The following HNRNPF variants were observed in gnomAD, a reference collection of about 807,000 sequenced individuals.
HNRNPF encodes the protein heterogeneous nuclear ribonucleoprotein F, also known as HnRNP F protein.
Under a neutral mutation model 26.0 loss-of-function variants are expected in HNRNPF, and 2 were observed. The ratio of observed to expected loss-of-function variants is 0.08; its 90% CI spans 0.03 to 0.24. The LOEUF (loss-of-function observed/expected upper bound fraction) is 0.24. HNRNPF is among the 10% of genes least tolerant of loss of function. The pLI, the probability that HNRNPF is intolerant of heterozygous loss-of-function variation, is 1.00. For synonymous variants in HNRNPF, 234 were observed against 211.5 expected (o/e 1.11, Z -0.92); for missense variants, 299 against 539.2 (o/e 0.55, Z 4.41).
chr10:43,402,977 C>A (rs1838799289), intron 1 of HNRNPF, among the ~76,000 whole-genome samples: 1 of 151,908 alleles, frequency 6.6e-6, no homozygotes, highest in Admixed American at 6.6e-5. Context: ...TCCTCTATGT[C>A]TTTACAAGTG....
At position 43,387,809 on chromosome 10, in the gene HNRNPF, C is replaced by T. The variant is rs775672912; in HGVS notation, c.76G>A (p.Asp26Asn). The T allele has an allele frequency of 2.9e-5, 47 of 1,614,012 alleles. No homozygotes were observed. The highest frequency in any genetic ancestry group is 3.8e-5 in the Non-Finnish European group (45 of 1,180,026). Reference sequence around the variant, plus strand: ...CAGTCAGAGAGGAAGTTCTGCACGTCCTCAACAGAGCAGGACCAGGGCAGG... The same window carrying T: ...CAGTCAGAGAGGAAGTTCTGCACGTTCTCAACAGAGCAGGACCAGGGCAGG... ...RGLPWSCSVEDVQNFLSDCTI... is the reference protein window; with the variant it reads ...RGLPWSCSVENVQNFLSDCTI... Residue 26 changes from aspartate to asparagine, a missense_variant, in exon 4 of 4, where the codon GAC becomes AAC. This residue lies in a region of HNRNPF where 104 missense variants were observed against 239.0 expected (regional missense o/e 0.44). Transcript: ENST00000682386. This position sits in a 1 kb window ranked among gnomAD's most constrained non-coding sequence, Gnocchi z 6.0.
chr10:43,403,426 T>C (rs1838814248), intron 1 of HNRNPF, among the ~76,000 whole-genome samples: 1 of 152,242 alleles, frequency 6.6e-6, no homozygotes, highest in African/African-American at 2.4e-5. Flanking sequence ...GAACTTGGAA[T>C]TGATTTTTTC....
At position 43,386,741 on chromosome 10, in the gene HNRNPF, C is replaced by G; in HGVS notation, c.1144G>C (p.Val382Leu). The change falls in exon 4 of 4, where the codon GTG (valine) becomes CTG (leucine). Residue 382 changes from valine to leucine, a missense_variant. Physicochemically the swap from Val to Leu is conservative, Grantham distance 32. Transcript: ENST00000682386. ...YSSQVMQGMG[V>L]SAAQATYSGL... Reference sequence around the variant, plus strand: ...CTGTAAGTGGCCTGGGCAGCAGACACCCCCATGCCTTGCATCACCTGGCTG... The same window carrying G: ...CTGTAAGTGGCCTGGGCAGCAGACAGCCCCATGCCTTGCATCACCTGGCTG... 4 of 1,614,196 alleles carry G rather than the reference C, an allele frequency of 2.5e-6. No homozygotes were observed. Among genetic ancestry groups the G allele is most frequent in the Non-Finnish European group, 3.4e-6 (4 of 1,180,032 alleles).
chr10:43,395,173 G>C lies in HNRNPF; in HGVS notation c.-111-485C>G, dbSNP rs187877875. Among the ~76,000 whole-genome samples, 237 of 152,208 alleles carry C rather than the reference G, an allele frequency of 1.6e-3. 1 individual carries two copies. The highest frequency in any genetic ancestry group is 5.4e-3 in the African/African-American group (225 of 41,534). ...GGAGGGAGATGGGTGGGGGAGAAGT[G>C]ACAACCACAGGGGACTTGACCTTAA... On this transcript the variant is annotated intron_variant, in intron 2 of 3. Coordinates refer to ENST00000682386, the MANE Select transcript of HNRNPF (RefSeq NM_001098204.2).
At chr10:43,397,127 CT>C (rs1243239188) in intron 1 of HNRNPF, 2 of 148,204 alleles carry the variant, frequency 1.3e-5, no homozygotes, top group Non-Finnish European at 3.0e-5. Flanking sequence ...GGAAAGGGAC[CT>C]GGGGGGGGCG....
chr10:43,394,423 T>C (rs148732032), intron 3 of HNRNPF, among the ~76,000 whole-genome samples: 1 of 152,326 alleles, frequency 6.6e-6, no homozygotes, highest in East Asian at 1.9e-4. Flanking sequence ...CTGCTTATTT[T>C]TACTCCAGAA....
intron 3 of HNRNPF, among the ~76,000 whole-genome samples, chr10:43,391,272 G>A (rs1228141833): frequency 3.4e-5 from 5 of 145,340 alleles, no homozygotes; most frequent in South Asian, 2.2e-4. Flanking sequence ...CAGCCTGGGC[G>A]ACAGTGCAAG....
chr10:43,387,924 G>T lies in HNRNPF; in HGVS notation c.-40C>A. On this transcript the variant is annotated 5_prime_UTR_variant, in exon 4 of 4. Transcript: ENST00000682386. This position sits in a 1 kb window ranked among gnomAD's most constrained non-coding sequence, Gnocchi z 6.0. ...GTGGGTGTCAGGTGATCTTGGGTGT[G>T]GCTTTTTTGTGGCTGGAAAAAAAAA... The T allele has an allele frequency of 6.6e-7, 1 of 1,505,390 alleles. No homozygotes were observed. Among genetic ancestry groups the T allele is most frequent in the Non-Finnish European group, 9.0e-7 (1 of 1,117,128 alleles). 93.3% of individuals were successfully genotyped at this position (1,505,390 alleles called of 1,614,324 possible).
intron 1 of HNRNPF, among the ~76,000 whole-genome samples, chr10:43,405,498 T>C (rs1244256316): frequency 6.6e-6 from 1 of 151,890 alleles, no homozygotes; most frequent in Non-Finnish European, 1.5e-5. Context: ...CTACTAAAAA[T>C]ACAAAAAATT....
chr10:43,402,338 C>G (rs138071771), intron 1 of HNRNPF, among the ~76,000 whole-genome samples: 1 of 151,936 alleles, frequency 6.6e-6, no homozygotes, highest in Non-Finnish European at 1.5e-5. Flanking sequence ...TTCAAAATAT[C>G]CTAATGGGAA....
At chr10:43,388,897 G>A (rs769775231) in intron 3 of HNRNPF, among the ~76,000 whole-genome samples, 43 of 152,012 alleles carry the variant, frequency 2.8e-4, no homozygotes, top group Non-Finnish European at 3.8e-4. Context: ...AGTATCATGG[G>A]GCCAAAGACG....
At chr10:43,408,065 G>A (rs946310287) in intron 1 of HNRNPF, among the ~76,000 whole-genome samples, 1 of 152,118 alleles carries the variant, frequency 6.6e-6, no homozygotes, top group East Asian at 1.9e-4. Context: ...GGGACAACAG[G>A]CGCGCGCCAC....
intron 3 of HNRNPF, among the ~76,000 whole-genome samples, chr10:43,391,161 T>G (rs1380854690): frequency 6.6e-6 from 1 of 151,882 alleles, no homozygotes; most frequent in Non-Finnish European, 1.5e-5. Context: ...GGCGTGATGG[T>G]GGGCACCTGT....
Position 43,386,460 on chromosome 10 carries a change from A to T in HNRNPF, c.*177T>A. 1.7e-6 allele frequency: 1 copy of T among 595,500 alleles called. No individual in the cohort carries two copies. Among genetic ancestry groups the T allele is most frequent in the Non-Finnish European group, 2.9e-6 (1 of 346,136 alleles). The allele number at this position is 595,500 out of a possible 1,614,324, so 36.9% of individuals were successfully genotyped here. Reference sequence around the variant, plus strand: ...AAATAGTTTTAGTTTACTCATTATCACATGCTAGAAGAAAATTTTGCATGA... The same window carrying T: ...AAATAGTTTTAGTTTACTCATTATCTCATGCTAGAAGAAAATTTTGCATGA... On this transcript the variant is annotated 3_prime_UTR_variant, in exon 4 of 4. Coordinates refer to ENST00000682386, the MANE Select transcript of HNRNPF (RefSeq NM_001098204.2).
At chr10:43,406,189 G>T (rs1838912833) in intron 1 of HNRNPF, among the ~76,000 whole-genome samples, 1 of 152,164 alleles carries the variant, frequency 6.6e-6, no homozygotes, top group South Asian at 2.1e-4. Context: ...GGGAATTAGA[G>T]AAGTCACCTC....
In HNRNPF at chr10:43,396,559, G is replaced by A. The variant is rs1838527121; in HGVS notation, c.-215C>T. 6.6e-6 allele frequency: 1 copy of A among 152,258 alleles called. No homozygotes were observed. The highest frequency in any genetic ancestry group is 1.5e-5 in the Non-Finnish European group (1 of 68,090). 9.4% of individuals were successfully genotyped at this position (152,258 alleles called of 1,614,324 possible). A position where few individuals can be genotyped will look rare whatever the true frequency, so the allele number is the denominator to read the frequency against. On this transcript the variant is annotated 5_prime_UTR_variant, in exon 2 of 4. Transcript: ENST00000682386. ...AGCTCAACCACGCAGAGGGCTCCGGGGAAACTCCAGGTGCATGTTTTTGTT... is the reference window on the plus strand; with the variant it reads ...AGCTCAACCACGCAGAGGGCTCCGGAGAAACTCCAGGTGCATGTTTTTGTT...
chr10:43,393,801 C>T (rs1262019349), intron 3 of HNRNPF, among the ~76,000 whole-genome samples: 2 of 152,164 alleles, frequency 1.3e-5, no homozygotes, highest in African/African-American at 4.8e-5. Context: ...CCTAAGCTCA[C>T]ATCACTTCCT....
intron 1 of HNRNPF, among the ~76,000 whole-genome samples, chr10:43,401,081 C>CAA (rs59546346): frequency 1.4e-5 from 2 of 140,788 alleles, no homozygotes; most frequent in Non-Finnish European, 3.2e-5. Flanking sequence ...GACTCCGTCT[C>CAA]AAAAAAAAAA....
chr10:43,398,385 G>A (rs1369634976), intron 1 of HNRNPF, among the ~76,000 whole-genome samples: 7 of 131,598 alleles, frequency 5.3e-5, no homozygotes, highest in African/African-American at 1.2e-4. Context: ...TCTGTTGCCC[G>A]GGCTGGAGTG....
Sources: allele counts gnomAD v4.1 joint callset (sites outside exome capture counted in the v4.1 genomes callset), GRCh38; gene constraint gnomAD v4.1.1; regional missense constraint gnomAD v4.1.1; non-coding constraint Gnocchi (gnomAD v3.1); transcripts MANE v1.5; gene names NCBI Gene and HGNC (gene_info 2026-07-23, HGNC 2026-07-21).